Variants in CCDC149 observed in about 807,000 individuals in gnomAD.
CCDC149 encodes coiled-coil domain-containing protein 149.
A neutral mutation model predicts 59.9 loss-of-function variants in CCDC149; 45 were observed. The ratio of observed to expected loss-of-function variants is 0.75; its 90% confidence interval spans 0.59 to 0.96. CCDC149 has a LOEUF of 0.96. Among genes scored for constraint, CCDC149 ranks in the 40% least tolerant of loss-of-function variants. The pLI, the probability that CCDC149 is intolerant of heterozygous loss-of-function variation, is 0.00. For missense variants in CCDC149, 584 were observed against 664.7 expected (o/e 0.88, Z 1.33); for synonymous variants, 245 against 260.6 (o/e 0.94, Z 0.58).
intron 10 of CCDC149, among the ~76,000 whole-genome samples, chr4:24,821,822 T>C (rs1304479344): frequency 2.0e-5 from 3 of 151,754 alleles, no homozygotes; most frequent in Non-Finnish European, 4.4e-5. Flanking sequence ...CCAAGACAAG[T>C]GGGGTAAATA....
intron 1 of CCDC149, among the ~76,000 whole-genome samples, chr4:24,931,909 C>T (rs1722606843): frequency 7.0e-6 from 1 of 143,742 alleles, no homozygotes; most frequent in Non-Finnish European, 1.5e-5. Context: ...GTCAGACACT[C>T]TTCTGTTTAT....
intron 10 of CCDC149, among the ~76,000 whole-genome samples, chr4:24,821,982 T>C (rs775747816): frequency 6.6e-5 from 10 of 152,174 alleles, no homozygotes; most frequent in Non-Finnish European, 1.2e-4. Flanking sequence ...GTTAGAACAA[T>C]TGTTGGTTTT....
At chr4:24,949,712 A>G (rs1723225560) in intron 1 of CCDC149, among the ~76,000 whole-genome samples, 1 of 152,334 alleles carries the variant, frequency 6.6e-6, no homozygotes, top group Non-Finnish European at 1.5e-5. Context: ...CACTGAGGCC[A>G]GGAAAGCAGG....
At chr4:24,915,719 T>G (rs976970427), upstream of CCDC149, among the ~76,000 whole-genome samples, 4 of 152,228 alleles carry the variant, frequency 2.6e-5, no homozygotes, top group African/African-American at 4.8e-5. Flanking sequence ...GGGTTTTCCT[T>G]AGAGGTTTCA....
At chr4:24,946,074 A>G (rs2109351633) in intron 1 of CCDC149, among the ~76,000 whole-genome samples, 1 of 152,374 alleles carries the variant, frequency 6.6e-6, no homozygotes, top group South Asian at 2.1e-4. Context: ...CTTGAAAAAC[A>G]TACTTAACAG....
At chr4:24,872,311 G>T (rs939439471) in intron 3 of CCDC149, among the ~76,000 whole-genome samples, 3 of 152,180 alleles carry the variant, frequency 2.0e-5, no homozygotes, top group Non-Finnish European at 4.4e-5. Flanking sequence ...AATGGAAGAT[G>T]GCTTTTAAGA....
intron 8 of CCDC149, among the ~76,000 whole-genome samples, chr4:24,833,893 T>C (rs924234974): frequency 1.1e-4 from 17 of 152,190 alleles, no homozygotes; most frequent in African/African-American, 3.9e-4. Flanking sequence ...AGAATGCTTT[T>C]CATCATAGGT....
At chr4:24,883,267 G>A (rs1273413032) in intron 1 of CCDC149, among the ~76,000 whole-genome samples, 1 of 151,722 alleles carries the variant, frequency 6.6e-6, no homozygotes. Context: ...CCTGCAGTAA[G>A]GGTAATTATT....
intron 1 of CCDC149, among the ~76,000 whole-genome samples, chr4:24,967,161 A>G (rs1723827126): frequency 2.0e-5 from 3 of 152,298 alleles, no homozygotes; most frequent in Middle Eastern, 6.8e-3. Flanking sequence ...CTGGCATTAC[A>G]AGCCATGGCC....
At chr4:24,882,242 C>T (rs942388287) in intron 1 of CCDC149, among the ~76,000 whole-genome samples, 5 of 152,194 alleles carry the variant, frequency 3.3e-5, no homozygotes, top group African/African-American at 1.2e-4. Context: ...ACTACTCTCT[C>T]CTCTTTATGA....
At chr4:24,920,799 G>T (rs1722263205) in intron 1 of CCDC149, among the ~76,000 whole-genome samples, 1 of 152,276 alleles carries the variant, frequency 6.6e-6, no homozygotes, top group Middle Eastern at 3.4e-3. Flanking sequence ...TTATCTTAAT[G>T]GAAACTAAAT....
intron 1 of CCDC149, among the ~76,000 whole-genome samples, chr4:24,979,691 T>C (rs1318672451): frequency 1.3e-5 from 2 of 152,198 alleles, no homozygotes; most frequent in African/African-American, 2.4e-5. Flanking sequence ...ATTTCCTTCC[T>C]GAAACCAGAG....
intron 1 of CCDC149, among the ~76,000 whole-genome samples, chr4:24,912,431 T>C (rs553741276): frequency 3.3e-4 from 50 of 152,196 alleles, no homozygotes; most frequent in African/African-American, 1.1e-3. Flanking sequence ...TTCTCCCCCA[T>C]GGCACCACCT....
intron 2 of CCDC149, among the ~76,000 whole-genome samples, chr4:24,874,265 G>GTTTTTTTTTT (rs1165718179): frequency 3.1e-5 from 1 of 31,912 alleles, no homozygotes; most frequent in Non-Finnish European, 8.1e-5. Flanking sequence ...TTTTTGTTTT[G>GTTTTTTTTTT]TTTTTTTTTG....
intron 1 of CCDC149, among the ~76,000 whole-genome samples, chr4:24,898,074 G>A (rs370206109): frequency 4.1e-4 from 62 of 152,240 alleles, no homozygotes; most frequent in Non-Finnish European, 4.3e-4. Flanking sequence ...AGCAATCTGC[G>A]CCCCATCAAT....
chr4:24,942,277 C>G (rs531951987), intron 1 of CCDC149, among the ~76,000 whole-genome samples: 83 of 152,292 alleles, frequency 5.5e-4, no homozygotes, highest in African/African-American at 1.8e-3. Flanking sequence ...AGCATATAAA[C>G]AGAACCAAAG....
intron 1 of CCDC149, among the ~76,000 whole-genome samples, chr4:24,959,567 C>A (rs1723578080): frequency 6.6e-6 from 1 of 152,024 alleles, no homozygotes; most frequent in African/African-American, 2.4e-5. Flanking sequence ...TTAAGAAGCA[C>A]AAGAAACATG....
chr4:24,958,043 C>T (rs1723518403), intron 1 of CCDC149, among the ~76,000 whole-genome samples: 2 of 152,162 alleles, frequency 1.3e-5, no homozygotes, highest in Admixed American at 1.3e-4. Flanking sequence ...AAATGTCTGT[C>T]CTTGGTCATC....
In CCDC149 at chr4:24,834,986, C is replaced by T. The variant is rs372317499; in HGVS notation, c.782G>A (p.Ser261Asn). Residue 261 changes from serine to asparagine, a missense_variant, in exon 8 of 13, where the codon AGC (serine) becomes AAC (asparagine). Transcript: ENST00000635206. Reference sequence around the variant, plus strand: ...CAGGACTCCTGTCAGAGCACTGCTGCTGGATTTACCCTGGCCCTTCGAGTT... The same window carrying T: ...CAGGACTCCTGTCAGAGCACTGCTGTTGGATTTACCCTGGCCCTTCGAGTT... The T allele has an allele frequency of 3.1e-6, 5 of 1,613,948 alleles. No individual in the cohort carries two copies. Among genetic ancestry groups the T allele is most frequent in the South Asian group, 2.2e-5 (2 of 91,072 alleles).
Sources: allele counts gnomAD v4.1 joint callset (sites outside exome capture counted in the v4.1 genomes callset), GRCh38; gene constraint gnomAD v4.1.1; transcripts MANE v1.5; gene names NCBI Gene and HGNC (gene_info 2026-07-23, HGNC 2026-07-21).